The following MARF1 variants were observed in gnomAD, a reference collection of about 807,000 sequenced individuals.
MARF1 encodes meiosis regulator and mRNA stability factor 1.
Under a neutral mutation model 168.2 loss-of-function variants are expected in MARF1, and 24 were observed. That is an observed-to-expected ratio of 0.14 (90% CI 0.10 to 0.20). The LOEUF is 0.20. MARF1 is among the 10% of genes least tolerant of loss of function. The pLI, the probability that MARF1 is intolerant of heterozygous loss-of-function variation, is 1.00. For missense variants in MARF1, 1,744 were observed against 2,143.6 expected, an observed-to-expected ratio of 0.81 and a Z score of 3.68; for synonymous variants, 868 against 822.4, an observed-to-expected ratio of 1.06 and a Z score of -0.95.
chr16:15,616,934 C>T (rs1372383104), intron 15 of MARF1, 118 bp downstream of exon 15: 1 of 1,393,872 alleles, frequency 7.2e-7, no homozygotes, highest in East Asian at 2.3e-5. Flanking sequence ...AGGCTAAACA[C>T]ATGAGGATGA....
At chr16:15,629,669 C>A (rs968200509) in intron 7 of MARF1, among the ~76,000 whole-genome samples, 1 of 152,222 alleles carries the variant, frequency 6.6e-6, no homozygotes, top group African/African-American at 2.4e-5. Flanking sequence ...CAGAGTTACA[C>A]ACATATTCGC....
intron 25 of MARF1, 129 bp from the exon 26 acceptor site, chr16:15,599,153 TTAA>T: frequency 2.3e-6 from 1 of 438,000 alleles, no homozygotes; most frequent in Admixed American, 4.1e-5. Flanking sequence ...ATTTAAGGTA[TTAA>T]AAAAAAAAAA....
chr16:15,618,492 T>G (rs572422573), intron 13 of MARF1, among the ~76,000 whole-genome samples: 3 of 152,278 alleles, frequency 2.0e-5, no homozygotes, highest in African/African-American at 7.2e-5. Context: ...CAGGACTCTG[T>G]AGTGATGACT....
chr16:15,635,511 G>C, intron 3 of MARF1, 145 bp downstream of exon 3: 1 of 713,720 alleles, frequency 1.4e-6, no homozygotes, highest in Non-Finnish European at 2.3e-6. Flanking sequence ...TTCAGAACCA[G>C]CAAAAATTAT....
In MARF1 at chr16:15,643,066, C is replaced by A. The variant is rs1461020911; in HGVS notation, c.-107G>T. On this transcript the variant is annotated 5_prime_UTR_variant, in exon 1 of 27. Coordinates refer to ENST00000396368, the MANE Select transcript of MARF1 (RefSeq NM_014647.4). ...CTCACATTCCGGCCCCGCCGCCTTC[C>A]CCCCGCCCCCCCCAGGCCCTTTGTT... 2 of 284,992 alleles carry A rather than the reference C, an allele frequency of 7.0e-6. No individual in the cohort carries two copies. The highest frequency in any genetic ancestry group is 2.7e-5 in the South Asian group (1 of 36,878). 17.7% of individuals were successfully genotyped at this position (284,992 alleles called of 1,614,324 possible). A position where few individuals can be genotyped will look rare whatever the true frequency, so the allele number is the denominator to read the frequency against.
At chr16:15,612,409 G>C in intron 17 of MARF1, 148 bp downstream of exon 17, 1 of 689,358 alleles carries the variant, frequency 1.5e-6, no homozygotes, top group Non-Finnish European at 2.6e-6. Flanking sequence ...GCCTGTGTGT[G>C]TTATTCCTGC....
rs138653036 is a variant in MARF1 at position 15,621,105 on chromosome 16, C to CAAA, written c.2640-577_2640-575dup. ...ATCATTTTTATTCTGAGAACAACAA[C>CAAA]AAAAAAAAAACCCGTAACTCGTAAT... On this transcript the variant is annotated intron_variant, in intron 12 of 26. Coordinates refer to ENST00000396368, the MANE Select transcript of MARF1 (RefSeq NM_014647.4). 2.0e-5 allele frequency among the ~76,000 whole-genome samples: 3 copies of CAAA among 146,682 alleles called. No homozygotes were observed. In the East Asian group the frequency reaches 6.0e-4, roughly 29 times the overall value.
At chr16:15,637,667 C>T (rs533258682) in intron 2 of MARF1, among the ~76,000 whole-genome samples, 2 of 152,238 alleles carry the variant, frequency 1.3e-5, no homozygotes, top group Admixed American at 6.5e-5. Flanking sequence ...TAAAGTTGAC[C>T]GTGTAATTCT....
In MARF1 at chr16:15,625,538, T is replaced by C. The variant is rs1485183835; in HGVS notation, c.1787A>G (p.Asn596Ser). The change falls in exon 8 of 27, where the codon AAT becomes AGT. Residue 596 changes from asparagine (N) to serine (S), a missense_variant. Coordinates refer to ENST00000396368, the MANE Select transcript of MARF1 (RefSeq NM_014647.4). ...AGACTTCACTTTATCAGCAATTGCATTTGAACTCTTTGTTTCACAGAGTTC... is the reference window on the plus strand; with the variant it reads ...AGACTTCACTTTATCAGCAATTGCACTTGAACTCTTTGTTTCACAGAGTTC... ...NRELCETKSSNAIADKVKSPK... is the reference protein window; with the variant it reads ...NRELCETKSSSAIADKVKSPK... 3 of 1,614,114 alleles carry C rather than the reference T, an allele frequency of 1.9e-6. No individual in the cohort carries two copies. Among genetic ancestry groups the C allele is most frequent in the African/African-American group, 2.7e-5 (2 of 74,942 alleles).
At chr16:15,622,902 T>A in intron 11 of MARF1, 32 bp downstream of exon 11, 3 of 1,544,116 alleles carry the variant, frequency 1.9e-6, no homozygotes, top group Non-Finnish European at 2.6e-6. Context: ...TCAGAGAGTA[T>A]AACAAAGCAA....
chr16:15,632,906 G>T (rs1026821965), intron 5 of MARF1, among the ~76,000 whole-genome samples: 1 of 151,996 alleles, frequency 6.6e-6, no homozygotes, highest in African/African-American at 2.4e-5. Flanking sequence ...ACCTCTCAGG[G>T]CCTTAGTTTA....
chr16:15,631,651 T>C lies in MARF1; in HGVS notation c.1234-153A>G, dbSNP rs577912099. On this transcript the variant is annotated intron_variant, in intron 5 of 26. Transcript: ENST00000396368. ...TGCAGGTTTGTTACATAGGTATACA[T>C]GTGCCGTGGTGGTTTGCTGCACCTA... 2.3e-4 allele frequency among the ~76,000 whole-genome samples: 35 copies of C among 152,326 alleles called. 1 individual carries two copies. The South Asian group carries it at 5.8e-3, about 25-fold the overall frequency.
At position 15,616,638 on chromosome 16, in the gene MARF1, G is replaced by A. The variant is rs533750475; in HGVS notation, c.3077+414C>T. The A allele has an allele frequency of 1.9e-4, 32 of 170,460 alleles. 1 individual carries two copies. The South Asian group carries it at 5.6e-3, about 30-fold the overall frequency. 10.6% of individuals were successfully genotyped at this position (170,460 alleles called of 1,614,324 possible). ...TGTACTCAATAATGTGTTGCTGGGT[G>A]ATTCTGTCACCTGAGAACATCATCA... On this transcript the variant is annotated intron_variant, in intron 15 of 26. Coordinates refer to ENST00000396368, the MANE Select transcript of MARF1 (RefSeq NM_014647.4).
intron 16 of MARF1, among the ~76,000 whole-genome samples, chr16:15,615,264 A>T (rs1351182921): frequency 6.6e-6 from 1 of 151,840 alleles, no homozygotes; most frequent in East Asian, 1.9e-4. Flanking sequence ...GGGAGGCCAT[A>T]GTGGGACGAC....
In MARF1 at chr16:15,630,516, G is replaced by A; in HGVS notation, c.1352-12C>T. 1 of 1,609,706 alleles carries A rather than the reference G, an allele frequency of 6.2e-7. No individual in the cohort carries two copies. Among genetic ancestry groups the A allele is most frequent in the Non-Finnish European group, 8.5e-7 (1 of 1,177,736 alleles). Reference sequence around the variant, plus strand: ...AAAATTGACATCAGCTGAAAGAAAAGGTACAGACCAACCCCATCCCCAAAC... The same window carrying A: ...AAAATTGACATCAGCTGAAAGAAAAAGTACAGACCAACCCCATCCCCAAAC... On this transcript the variant is annotated splice_polypyrimidine_tract_variant and intron_variant, in intron 6 of 26. Coordinates refer to ENST00000396368, the MANE Select transcript of MARF1 (RefSeq NM_014647.4).
At position 15,617,466 on chromosome 16, in the gene MARF1, T is replaced by A; in HGVS notation, c.2790A>T (p.Gly930=). The A allele has an allele frequency of 6.2e-7, 1 of 1,613,996 alleles. No individual in the cohort carries two copies. The highest frequency in any genetic ancestry group is 8.5e-7 in the Non-Finnish European group (1 of 1,180,038). Residue 930 remains glycine, a synonymous_variant, in exon 14 of 27, where the codon GGA becomes GGT. Transcript: ENST00000396368. ...GTAGGAGACACACCAGCCGTCCGTT[T>A]CCTTGTTCACGGATTGCGACCGTGT... ...LTDTVAIREQ[G]NGRLVCLLPS...
rs530927387 is a variant in MARF1, at chr16:15,608,535, G to C, written c.3955-17C>G. 79 of 1,560,380 alleles carry C rather than the reference G, an allele frequency of 5.1e-5. No individual in the cohort carries two copies. The highest frequency in any genetic ancestry group is 2.2e-4 in the East Asian group (10 of 44,482). On this transcript the variant is annotated splice_polypyrimidine_tract_variant and intron_variant, in intron 20 of 26. Transcript: ENST00000396368. ...TTCCAATACCTTTGAAAACACACGGGGGGAGGAAAGGGAAAATAAACAAAT... is the reference window on the plus strand; with the variant it reads ...TTCCAATACCTTTGAAAACACACGGCGGGAGGAAAGGGAAAATAAACAAAT...
chr16:15,596,959 C>G, intron 26 of MARF1, 22 bp from the exon 27 acceptor site: 1 of 1,581,288 alleles, frequency 6.3e-7, no homozygotes, highest in Admixed American at 1.7e-5. Context: ...GAAAAGCAAA[C>G]AGATTCAGAT....
chr16:15,617,195 G>A (rs372570042), intron 14 of MARF1, 24 bp from the exon 15 acceptor site: 5 of 1,613,212 alleles, frequency 3.1e-6, no homozygotes, highest in Non-Finnish European at 4.2e-6. Flanking sequence ...AACACAATTG[G>A]AAGCTGACAT....
Sources: gnomAD v4.1 joint callset for allele counts (sites outside exome capture counted in the v4.1 genomes callset) on GRCh38, gnomAD v4.1.1 for gene constraint, MANE v1.5 for transcripts, NCBI Gene and HGNC (gene_info 2026-07-23, HGNC 2026-07-21) for gene names.